Variants in TBCA observed in about 807,000 individuals in gnomAD.
TBCA encodes the protein tubulin folding cofactor A.
TBCA carries 6 observed loss-of-function variants against 15.8 expected under a neutral mutation model. The ratio of observed to expected loss-of-function variants is 0.38; its 90% CI spans 0.21 to 0.75. The LOEUF (loss-of-function observed/expected upper bound fraction) is 0.75. Among genes scored for constraint, TBCA ranks in the 30% least tolerant of loss-of-function variants. The probability of loss-of-function intolerance (pLI) is 0.46; values close to 1 mark genes in which losing one functional copy is unlikely to be tolerated. For synonymous variants in TBCA, 32 were observed against 42.3 expected (o/e 0.76, Z 0.94); for missense variants, 90 against 131.2 (o/e 0.69, Z 1.53).
chr5:77,692,876 T>C, intron 3 of TBCA: 1 of 1,151,576 alleles, frequency 8.7e-7, no homozygotes, highest in African/African-American at 1.6e-5. Flanking sequence ...CAAGATCCTT[T>C]TAATAAGATC....
rs372175476 is a variant in TBCA at position 77,722,887 on chromosome 5, C to T, written c.54-14540G>A. 1.6e-3 allele frequency among the ~76,000 whole-genome samples: 240 copies of T among 151,742 alleles called. 4 individuals carry two copies. The South Asian group carries it at 0.031, about 20-fold the overall frequency. On this transcript the variant is annotated intron_variant, in intron 1 of 3. Transcript: ENST00000380377. The stretch of plus-strand genomic sequence containing the variant: ...AATTGGTGTTTACATCTTAATGTGG[C>T]ATTAACAATAGCAAAACTAATACTA...
At chr5:77,748,011 G>A (rs1179025925) in intron 1 of TBCA, among the ~76,000 whole-genome samples, 1 of 152,086 alleles carries the variant, frequency 6.6e-6, no homozygotes, top group Non-Finnish European at 1.5e-5. Flanking sequence ...CATATGCAAA[G>A]CCTCTTGAGA....
At chr5:77,768,902 T>C (rs1747842723) in intron 1 of TBCA, among the ~76,000 whole-genome samples, 1 of 152,228 alleles carries the variant, frequency 6.6e-6, no homozygotes, top group Admixed American at 6.5e-5. Flanking sequence ...TTTTCCAACC[T>C]TGCTTACTAC....
At chr5:77,767,555 C>T (rs1747809062) in intron 1 of TBCA, among the ~76,000 whole-genome samples, 1 of 152,196 alleles carries the variant, frequency 6.6e-6, no homozygotes, top group Non-Finnish European at 1.5e-5. Context: ...GGCCTTGCCA[C>T]ATTTTTTGCT....
At chr5:77,704,398 A>C (rs1391605735) in intron 2 of TBCA, among the ~76,000 whole-genome samples, 1 of 152,226 alleles carries the variant, frequency 6.6e-6, no homozygotes, top group East Asian at 1.9e-4. Flanking sequence ...CTGTGTGCTT[A>C]AAATACAGCC....
chr5:77,692,500 C>T (rs1475364133), intron 3 of TBCA: 1 of 932,432 alleles, frequency 1.1e-6, no homozygotes, highest in Non-Finnish European at 1.3e-6. Context: ...GTTGGTCAGG[C>T]TGGTCTTGAA....
chr5:77,703,397 A>G (rs1249397083), intron 2 of TBCA, among the ~76,000 whole-genome samples: 1 of 152,162 alleles, frequency 6.6e-6, no homozygotes, highest in African/African-American at 2.4e-5. Context: ...CCCAACCCTA[A>G]TTGGTGGAGA....
At chr5:77,700,659 CT>C (rs1745991071) in intron 2 of TBCA, among the ~76,000 whole-genome samples, 1 of 152,198 alleles carries the variant, frequency 6.6e-6, no homozygotes, top group Non-Finnish European at 1.5e-5. Flanking sequence ...TTGGTAGTTT[CT>C]TTTAAAACAA....
chr5:77,736,526 G>GT (rs1484178303), intron 1 of TBCA, among the ~76,000 whole-genome samples: 1 of 152,166 alleles, frequency 6.6e-6, no homozygotes, highest in Non-Finnish European at 1.5e-5. Context: ...ACCTCTGCGT[G>GT]TATTTCTCAG....
At chr5:77,701,266 A>G (rs1250091774) in intron 2 of TBCA, among the ~76,000 whole-genome samples, 1 of 152,140 alleles carries the variant, frequency 6.6e-6, no homozygotes, top group East Asian at 1.9e-4. Flanking sequence ...TGAATAGACA[A>G]TTCTCAAAAG....
intron 1 of TBCA, among the ~76,000 whole-genome samples, chr5:77,747,275 AACT>A (rs1192309241): frequency 2.0e-5 from 3 of 152,280 alleles, no homozygotes; most frequent in East Asian, 3.9e-4. Flanking sequence ...CAAATCGAAG[AACT>A]ACTACTTTCA....
At chr5:77,743,867 T>C (rs534752180) in intron 1 of TBCA, among the ~76,000 whole-genome samples, 17 of 152,262 alleles carry the variant, frequency 1.1e-4, no homozygotes, top group Non-Finnish European at 2.1e-4. Flanking sequence ...GCACTAGGCA[T>C]ATAATGGTAA....
In TBCA at chr5:77,775,097, T is replaced by C. The variant is rs143997016; in HGVS notation, c.53+1108A>G. Among the ~76,000 whole-genome samples, 58 of 152,224 alleles carry C rather than the reference T, an allele frequency of 3.8e-4. 2 individuals carry two copies. The East Asian group carries it at 0.011, about 28-fold the overall frequency. On this transcript the variant is annotated intron_variant, in intron 1 of 3. Transcript: ENST00000380377. The stretch of plus-strand genomic sequence containing the variant: ...TCTGTTGTATTTCACCCTGGCAATG[T>C]AAATTGATAGCTTATCTTCACAGGT...
At chr5:77,751,054 A>G (rs1401880106) in intron 1 of TBCA, among the ~76,000 whole-genome samples, 2 of 151,970 alleles carry the variant, frequency 1.3e-5, no homozygotes, top group African/African-American at 2.4e-5. Flanking sequence ...AATAGACTGT[A>G]ATTGTTATCA....
intron 1 of TBCA, among the ~76,000 whole-genome samples, chr5:77,771,528 G>A (rs1430390970): frequency 3.9e-5 from 6 of 152,110 alleles, no homozygotes; most frequent in Admixed American, 6.5e-5. Flanking sequence ...GACACTCACC[G>A]TAAACCTCCG....
At chr5:77,719,269 C>T (rs1746474760) in intron 1 of TBCA, among the ~76,000 whole-genome samples, 1 of 152,128 alleles carries the variant, frequency 6.6e-6, no homozygotes. Context: ...ATATTTTCTA[C>T]AGAAAATACA....
At chr5:77,730,994 T>A (rs1475839503) in intron 1 of TBCA, among the ~76,000 whole-genome samples, 2 of 152,216 alleles carry the variant, frequency 1.3e-5, no homozygotes, top group Non-Finnish European at 2.9e-5. Context: ...GTCAATATTA[T>A]AATAATAACT....
intron 2 of TBCA, among the ~76,000 whole-genome samples, chr5:77,699,033 C>CAAAAAAAAAAAAAAAA (rs71608119): frequency 5.9e-4 from 41 of 70,070 alleles, no homozygotes; most frequent in East Asian, 1.7e-3. Context: ...GCAAGAGCAT[C>CAAAAAAAAAAAAAAAA]AAAAAAAAAA....
chr5:77,756,831 A>G (rs758274691), intron 1 of TBCA, among the ~76,000 whole-genome samples: 1 of 149,936 alleles, frequency 6.7e-6, no homozygotes, highest in Non-Finnish European at 1.5e-5. Flanking sequence ...GAATCTGCCC[A>G]TGACCCTTGA....
Sources: gnomAD v4.1 joint callset for allele counts (sites outside exome capture counted in the v4.1 genomes callset) on GRCh38, gnomAD v4.1.1 for gene constraint, MANE v1.5 for transcripts, NCBI Gene and HGNC (gene_info 2026-07-23, HGNC 2026-07-21) for gene names.